Variants in CP observed in about 807,000 individuals in gnomAD.
CP encodes the protein ceruloplasmin, also known as caeruloplasmin.
CP carries 64 observed loss-of-function variants against 122.4 expected under a neutral mutation model. The ratio of observed to expected loss-of-function variants is 0.52; its 90% confidence interval spans 0.43 to 0.64. The LOEUF is 0.64. CP is among the 30% of genes least tolerant of loss of function. The pLI, the probability that CP is intolerant of heterozygous loss-of-function variation, is 0.00. For synonymous variants in CP, 440 were observed against 436.4 expected (o/e 1.01, Z -0.10); for missense variants, 1,167 against 1,284.4 (o/e 0.91, Z 1.40).
chr3:149,220,964 G>A (rs893934058), intron 1 of CP, among the ~76,000 whole-genome samples: 1 of 152,156 alleles, frequency 6.6e-6, no homozygotes, highest in Non-Finnish European at 1.5e-5. Context: ...CTTTCAATAA[G>A]GGGATTTTCC....
chr3:149,193,061 G>A (rs1309664635), intron 9 of CP, among the ~76,000 whole-genome samples: 8 of 151,806 alleles, frequency 5.3e-5, no homozygotes, highest in Admixed American at 1.3e-4. Context: ...ACTGTATGTG[G>A]TATACTCTGA....
chr3:149,185,102 T>C, intron 12 of CP, 137 bp downstream of exon 12: 7 of 564,140 alleles, frequency 1.2e-5, no homozygotes, highest in Non-Finnish European at 2.1e-5. Flanking sequence ...AGGAAGTGTT[T>C]TGTTGTTGTT....
chr3:149,209,816 A>T (rs1481980817), intron 3 of CP, among the ~76,000 whole-genome samples: 1 of 152,206 alleles, frequency 6.6e-6, no homozygotes, highest in Non-Finnish European at 1.5e-5. Context: ...CCAATATAGT[A>T]TGAGTAACTA....
At chr3:149,212,308 T>C (rs1432557985) in intron 2 of CP, 143 bp downstream of exon 2, 12 of 838,886 alleles carry the variant, frequency 1.4e-5, no homozygotes, top group Non-Finnish European at 2.0e-5. Flanking sequence ...TCAAAAAAAA[T>C]TAAAAAAAAA....
At chr3:149,216,731 A>G (rs1728482181) in intron 1 of CP, among the ~76,000 whole-genome samples, 2 of 152,208 alleles carry the variant, frequency 1.3e-5, no homozygotes, top group South Asian at 4.1e-4. Flanking sequence ...CTGGCGCAGC[A>G]TGAATGCAGT....
At chr3:149,179,687 T>A in intron 14 of CP, 25 bp from the exon 15 acceptor site, 1 of 1,484,370 alleles carries the variant, frequency 6.7e-7, no homozygotes, top group Non-Finnish European at 9.4e-7. Flanking sequence ...TGTTAATGGA[T>A]CTGGTTGTAT....
chr3:149,162,700 C>T, exon 6 of CP: 1 of 1,613,882 alleles, frequency 6.2e-7, no homozygotes, highest in Non-Finnish European at 8.5e-7. Context: ...GTGCTTTGTG[C>T]TAAGGATGAA....
chr3:149,212,169 G>A (rs1728152712), intron 2 of CP, among the ~76,000 whole-genome samples: 1 of 151,960 alleles, frequency 6.6e-6, no homozygotes, highest in Admixed American at 6.6e-5. Context: ...AAGTTTGCCA[G>A]GCATGGTAGT....
At position 149,173,205 on chromosome 3, in the gene CP, T is replaced by G. The variant is rs13098532; in HGVS notation, c.*509A>C. 1,294 of 152,968 alleles carry G rather than the reference T, an allele frequency of 8.5e-3. 11 individuals are homozygous for G. The highest frequency in any genetic ancestry group is 0.016 in the Admixed American group (246 of 15,346). 9.5% of individuals were successfully genotyped at this position (152,968 alleles called of 1,614,324 possible). A position where few individuals can be genotyped will look rare whatever the true frequency, so the allele number is the denominator to read the frequency against. ...AGATAACGTCCTTAAGACCATCTGT[T>G]CAGGGGTTCACAAAACTCAAATTTG... On this transcript the variant is annotated 3_prime_UTR_variant, in exon 19 of 19. Transcript: ENST00000264613.
rs1724482579 is a variant in CP, at chr3:149,166,917, ATTCT to A, written c.587-871_587-868del. ...CCACGTGCATGTGCTCTAATATGGC[ATTCT>A]TTCTATTTTATTTTTGGCAAGTGAG... On this transcript the variant is annotated intron_variant, in intron 4 of 5. Transcript: ENST00000479771. 6.3e-6 allele frequency: 5 copies of A among 793,786 alleles called. No homozygotes were observed. In the East Asian group the frequency reaches 1.2e-4, roughly 20 times the overall value. 49.2% of individuals were successfully genotyped at this position (793,786 alleles called of 1,614,324 possible). A position where few individuals can be genotyped will look rare whatever the true frequency, so the allele number is the denominator to read the frequency against.
chr3:149,176,346 A>G lies in CP; in HGVS notation c.3085T>C (p.Phe1029Leu), dbSNP rs769377043. 3.7e-6 allele frequency: 6 copies of G among 1,613,180 alleles called. No individual in the cohort carries two copies. The highest frequency in any genetic ancestry group is 5.1e-6 in the Non-Finnish European group (6 of 1,179,222). ...AACCAAATTCCAGGTGTTCTTGGAA[A>G]CATTTCTAGGGTTTGGTATGTTCCA... is the stretch of plus-strand genomic sequence containing the variant. Reference protein sequence around the residue: ...FPGTYQTLEMFPRTPGIWLLH... With the variant: ...FPGTYQTLEMLPRTPGIWLLH... The change falls in exon 18 of 19, where the codon TTT becomes CTT. Residue 1029 changes from phenylalanine to leucine, a missense_variant. Transcript: ENST00000264613.
chr3:149,171,232 C>T (rs984962948), downstream of CP, among the ~76,000 whole-genome samples: 10 of 151,712 alleles, frequency 6.6e-5, no homozygotes, highest in Admixed American at 3.9e-4. Flanking sequence ...GAGCTGAGAT[C>T]GCACCACTGC....
rs1441379926 is a variant in CP at position 149,212,556 on chromosome 3, T to A, written c.289A>T (p.Ile97Phe). ...ACTTTATCTCCAGTTTCAGCTTTGA[T>A]AATAGGGCCTAAAAACCCAAGCCAG... ...PVWLGFLGPI[I>F]KAETGDKVYV... Residue 97 changes from isoleucine to phenylalanine, a missense_variant, in exon 2 of 19, where the codon ATC becomes TTC. Physicochemically the swap from Ile to Phe is conservative, Grantham distance 21. Coordinates refer to ENST00000264613, the MANE Select transcript of CP (RefSeq NM_000096.4). 1.2e-6 allele frequency: 2 copies of A among 1,614,070 alleles called. No homozygotes were observed. The highest frequency in any genetic ancestry group is 1.7e-6 in the Non-Finnish European group (2 of 1,179,984).
chr3:149,184,852 A>G (rs1336499537), intron 12 of CP, among the ~76,000 whole-genome samples: 1 of 152,246 alleles, frequency 6.6e-6, no homozygotes, highest in Non-Finnish European at 1.5e-5. Context: ...TTAGACTAAC[A>G]ATGAAAACTC....
In CP at chr3:149,206,248, A is replaced by C. The variant is rs1203132325; in HGVS notation, c.1128T>G (p.Ile376Met). The C allele has an allele frequency of 6.2e-7, 1 of 1,614,022 alleles. No homozygotes were observed. The highest frequency in any genetic ancestry group is 2.2e-5 in the East Asian group (1 of 44,876). Residue 376 changes from isoleucine to methionine, a missense_variant, in exon 6 of 19, where the codon ATT becomes ATG. By Grantham distance (10) the Ile-to-Met change is conservative (BLOSUM62 1). Transcript: ENST00000264613. ...IRGKHVRHYYIAAEEIIWNYA... is the reference protein window; with the variant it reads ...IRGKHVRHYYMAAEEIIWNYA... ...AGTTCCAGATGATTTCCTCAGCGGC[A>C]ATGTAGTAGTGTCTAACATGCTTCC... is the stretch of plus-strand genomic sequence containing the variant.
chr3:149,196,445 C>T (rs1466829333), intron 9 of CP, among the ~76,000 whole-genome samples: 1 of 152,096 alleles, frequency 6.6e-6, no homozygotes, highest in African/African-American at 2.4e-5. Context: ...CTAGTGCCCA[C>T]ATTGTGGTTC....
chr3:149,218,416 G>C (rs1407860756), intron 1 of CP, among the ~76,000 whole-genome samples: 1 of 152,158 alleles, frequency 6.6e-6, no homozygotes, highest in Non-Finnish European at 1.5e-5. Flanking sequence ...GCAGTACTGA[G>C]TATAAGGAAA....
chr3:149,164,043 G>A (rs1724163991), intron 5 of CP: 2 of 687,302 alleles, frequency 2.9e-6, no homozygotes, highest in Admixed American at 2.4e-5. Flanking sequence ...TGTTAATCTA[G>A]AATGTAGAAT....
At chr3:149,198,264 T>G in intron 9 of CP, 103 bp downstream of exon 9, 1 of 890,222 alleles carries the variant, frequency 1.1e-6, no homozygotes, top group South Asian at 1.5e-5. Context: ...AGGTATATAC[T>G]AAAGTATTTT....
Sources: allele counts gnomAD v4.1 joint callset (sites outside exome capture counted in the v4.1 genomes callset), GRCh38; gene constraint gnomAD v4.1.1; transcripts MANE v1.5; gene names NCBI Gene and HGNC (gene_info 2026-07-23, HGNC 2026-07-21).